Variants in CNEP1R1 observed in about 807,000 individuals in gnomAD.
The protein encoded by CNEP1R1 is nuclear envelope phosphatase-regulatory subunit 1.
CNEP1R1 carries 10 observed loss-of-function variants against 22.7 expected under a neutral mutation model. That is an observed-to-expected ratio of 0.44 (90% CI 0.27 to 0.75). The LOEUF (loss-of-function observed/expected upper bound fraction) is 0.75. Ranked by LOEUF, CNEP1R1 falls within the 30% of genes least tolerant of loss-of-function variation. The probability of loss-of-function intolerance (pLI) is 0.17; values close to 1 mark genes in which losing one functional copy is unlikely to be tolerated. For missense variants in CNEP1R1, 73 were observed against 151.5 expected (o/e 0.48, Z 2.72); for synonymous variants, 53 against 50.1 (o/e 1.06, Z -0.25).
At chr16:50,025,420 C>A in intron 1 of CNEP1R1, 80 bp downstream of exon 1, 1 of 1,355,646 alleles carries the variant, frequency 7.4e-7, no homozygotes, top group Non-Finnish European at 9.7e-7. Context: ...GTCGTGAAGA[C>A]CCCCGCCCCG....
intron 4 of CNEP1R1, 102 bp from the exon 5 acceptor site, chr16:50,034,000 C>T: frequency 3.7e-6 from 3 of 809,522 alleles, no homozygotes; most frequent in Admixed American, 2.1e-5. Flanking sequence ...ATCCGACCGC[C>T]TCGGCCTCCC....
Position 50,025,301 on chromosome 16 carries a change from G to C in CNEP1R1, c.-15G>C. On this transcript the variant is annotated 5_prime_UTR_variant, in exon 1 of 6. Coordinates refer to ENST00000427478, the MANE Select transcript of CNEP1R1 (RefSeq NM_001281789.2). ...GCGGACAGGGCAGCGGCGGTGACCC[G>C]AGCTGCCGCCCGACATGAACTCGCT... 1 of 1,428,338 alleles carries C rather than the reference G, an allele frequency of 7.0e-7. No homozygotes were observed. The highest frequency in any genetic ancestry group is 9.1e-7 in the Non-Finnish European group (1 of 1,095,770). 88.5% of individuals were successfully genotyped at this position (1,428,338 alleles called of 1,614,324 possible).
rs1398856814 is a variant in CNEP1R1 at position 50,036,175 on chromosome 16, T to A, written c.*717T>A. On this transcript the variant is annotated 3_prime_UTR_variant, in exon 6 of 6. Coordinates refer to ENST00000427478, the MANE Select transcript of CNEP1R1 (RefSeq NM_001281789.2). ...TTTTTTTTTAGACGGAGTCTCGCTC[T>A]GTTGCCAGGCTGGAGGGCAGTGGCA... is the stretch of plus-strand genomic sequence containing the variant. 1.3e-5 allele frequency: 2 copies of A among 150,690 alleles called. No individual in the cohort carries two copies. Among genetic ancestry groups the A allele is most frequent in the African/African-American group, 4.9e-5 (2 of 40,920 alleles). The allele number at this position is 150,690 out of a possible 1,614,324, so 9.3% of individuals were successfully genotyped here. A position where few individuals can be genotyped will look rare whatever the true frequency, so the allele number is the denominator to read the frequency against.
rs757882462 is a variant in CNEP1R1, at chr16:50,033,411, A to T, written c.186A>T (p.Thr62=). 5 of 1,582,928 alleles carry T rather than the reference A, an allele frequency of 3.2e-6. No homozygotes were observed. Among genetic ancestry groups the T allele is most frequent in the African/African-American group, 2.7e-5 (2 of 74,376 alleles). Residue 62 remains threonine, a synonymous_variant, in exon 4 of 6, where the codon ACA becomes ACT. Transcript: ENST00000427478. ...DPETQKVSFF[T]SLWNHPFFTI... Reference sequence around the variant, plus strand: ...TTCTTTTACAGGTGTCCTTCTTCACATCATTATGGAATCACCCATTTTTCA... The same window carrying T: ...TTCTTTTACAGGTGTCCTTCTTCACTTCATTATGGAATCACCCATTTTTCA...
rs540656018 is a variant in CNEP1R1, at chr16:50,036,893, G to T, written c.*1435G>T. 1 of 152,564 alleles carries T rather than the reference G, an allele frequency of 6.6e-6. No individual in the cohort carries two copies. Among genetic ancestry groups the T allele is most frequent in the South Asian group, 2.1e-4 (1 of 4,820 alleles). 9.5% of individuals were successfully genotyped at this position (152,564 alleles called of 1,614,324 possible). A position where few individuals can be genotyped will look rare whatever the true frequency, so the allele number is the denominator to read the frequency against. ...CAGGATAAAAAAGCTTTTTAACAAG[G>T]CTGCCATTTAACTTAAATGTGTTCA... On this transcript the variant is annotated 3_prime_UTR_variant, in exon 6 of 6. Coordinates refer to ENST00000427478, the MANE Select transcript of CNEP1R1 (RefSeq NM_001281789.2).
rs985622788 is a variant in CNEP1R1 at position 50,036,715 on chromosome 16, T to A, written c.*1257T>A. On this transcript the variant is annotated 3_prime_UTR_variant, in exon 6 of 6. Coordinates refer to ENST00000427478, the MANE Select transcript of CNEP1R1 (RefSeq NM_001281789.2). ...GTATGCATAATAGCCGCATGTACTA[T>A]AATAGCCCTTAAAATTAAACTATTG... 12 of 152,660 alleles carry A rather than the reference T, an allele frequency of 7.9e-5. No homozygotes were observed. Among genetic ancestry groups the A allele is most frequent in the Non-Finnish European group, 1.3e-4 (9 of 68,044 alleles). 9.5% of individuals were successfully genotyped at this position (152,660 alleles called of 1,614,324 possible).
At chr16:50,032,273 C>T (rs1407390818) in intron 3 of CNEP1R1, among the ~76,000 whole-genome samples, 1 of 152,226 alleles carries the variant, frequency 6.6e-6, no homozygotes, top group Non-Finnish European at 1.5e-5. Flanking sequence ...TTCTCTGTGT[C>T]TCCAGTCAAC....
intron 2 of CNEP1R1, among the ~76,000 whole-genome samples, chr16:50,027,230 C>T (rs919163571): frequency 7.2e-5 from 11 of 151,894 alleles, no homozygotes; most frequent in Non-Finnish European, 1.6e-4. Context: ...ATGGAGAGAC[C>T]CCATCGCGGT....
At chr16:50,025,660 TTGTATCCCTGA>T in intron 1 of CNEP1R1, 1 of 1,613,896 alleles carries the variant, frequency 6.2e-7, no homozygotes, top group Non-Finnish European at 8.5e-7. Flanking sequence ...GCCCCGCGAG[TTGTATCCCTGA>T]TTCCTGCGGT....
intron 1 of CNEP1R1, chr16:50,025,920 C>T (rs931000943): frequency 3.6e-5 from 20 of 548,966 alleles, no homozygotes; most frequent in African/African-American, 7.6e-5. Flanking sequence ...GGCCAGACGG[C>T]GTAGCCATTA....
At chr16:50,027,869 C>T (rs2036200001) in intron 2 of CNEP1R1, among the ~76,000 whole-genome samples, 1 of 151,950 alleles carries the variant, frequency 6.6e-6, no homozygotes, top group Admixed American at 6.6e-5. Context: ...GCTTACTTGC[C>T]CATGGAAATA....
rs1439026889 is a variant in CNEP1R1, at chr16:50,034,312, T to G, written c.336+156T>G. 6 of 590,022 alleles carry G rather than the reference T, an allele frequency of 1.0e-5. No homozygotes were observed. In the African/African-American group the frequency reaches 1.1e-4, roughly 11 times the overall value. 36.5% of individuals were successfully genotyped at this position (590,022 alleles called of 1,614,324 possible). A position where few individuals can be genotyped will look rare whatever the true frequency, so the allele number is the denominator to read the frequency against. On this transcript the variant is annotated intron_variant, in intron 5 of 5. Coordinates refer to ENST00000427478, the MANE Select transcript of CNEP1R1 (RefSeq NM_001281789.2). The stretch of plus-strand genomic sequence containing the variant: ...ATTGATTCTAAGGTACTTTTACATT[T>G]AACATCTTTGGCATTGAGATCCATC...
chr16:50,027,535 G>C (rs1320287400), intron 2 of CNEP1R1, among the ~76,000 whole-genome samples: 1 of 150,862 alleles, frequency 6.6e-6, no homozygotes, highest in Non-Finnish European at 1.5e-5. Flanking sequence ...AATTTAGCCA[G>C]GCATGGTGGC....
At chr16:50,025,775 G>A (rs1373365481) in intron 1 of CNEP1R1, 2 of 1,293,836 alleles carry the variant, frequency 1.5e-6, no homozygotes, top group Admixed American at 1.7e-5. Context: ...CACTCACTCG[G>A]AGCAGCTTAG....
At chr16:50,026,212 TCAAGTGC>T in intron 1 of CNEP1R1, 177 bp from the exon 2 acceptor site, 1 of 483,066 alleles carries the variant, frequency 2.1e-6, no homozygotes, top group Non-Finnish European at 3.7e-6. Context: ...TAATTTTTTG[TCAAGTGC>T]TTAAAAAGCT....
At chr16:50,025,370 G>A (rs1294470826) in intron 1 of CNEP1R1, 30 bp downstream of exon 1, 1 of 1,430,708 alleles carries the variant, frequency 7.0e-7, no homozygotes, top group Non-Finnish European at 9.1e-7. Context: ...CCCGTCCCCC[G>A]TCTCCCCTCG....
Position 50,036,864 on chromosome 16 carries a change from A to G in CNEP1R1, c.*1406A>G, listed in dbSNP as rs947901574. 2.0e-5 allele frequency: 3 copies of G among 152,644 alleles called. No individual in the cohort carries two copies. The highest frequency in any genetic ancestry group is 1.9e-4 in the East Asian group (1 of 5,202). 9.5% of individuals were successfully genotyped at this position (152,644 alleles called of 1,614,324 possible). A position where few individuals can be genotyped will look rare whatever the true frequency, so the allele number is the denominator to read the frequency against. ...CATTTAACATAAAGCTGAAAATTCAATAACAGGATAAAAAAGCTTTTTAAC... is the reference window on the plus strand; with the variant it reads ...CATTTAACATAAAGCTGAAAATTCAGTAACAGGATAAAAAAGCTTTTTAAC... On this transcript the variant is annotated 3_prime_UTR_variant, in exon 6 of 6. Coordinates refer to ENST00000427478, the MANE Select transcript of CNEP1R1 (RefSeq NM_001281789.2).
Position 50,025,375 on chromosome 16 carries a change from C to T in CNEP1R1, c.25+35C>T, listed in dbSNP as rs1056479912. On this transcript the variant is annotated intron_variant, in intron 1 of 5. Transcript: ENST00000427478. ...GCCGCCCGGGCCCGTCCCCCGTCTCCCCTCGGAAGCTGGCGGTGCTCCGGA... is the reference window on the plus strand; with the variant it reads ...GCCGCCCGGGCCCGTCCCCCGTCTCTCCTCGGAAGCTGGCGGTGCTCCGGA... 11 of 1,428,542 alleles carry T rather than the reference C, an allele frequency of 7.7e-6. No homozygotes were observed. In the African/African-American group the frequency reaches 1.2e-4, roughly 15 times the overall value. The allele number at this position is 1,428,542 out of a possible 1,614,324, so 88.5% of individuals were successfully genotyped here. A position where few individuals can be genotyped will look rare whatever the true frequency, so the allele number is the denominator to read the frequency against.
At chr16:50,029,551 A>G (rs2036214524) in intron 2 of CNEP1R1, among the ~76,000 whole-genome samples, 174 bp from the exon 3 acceptor site, 1 of 152,240 alleles carries the variant, frequency 6.6e-6, no homozygotes, top group African/African-American at 2.4e-5. Flanking sequence ...CACAATGTTT[A>G]AGAGAATTCC....
Sources: allele counts gnomAD v4.1 joint callset (sites outside exome capture counted in the v4.1 genomes callset), GRCh38; gene constraint gnomAD v4.1.1; transcripts MANE v1.5; gene names NCBI Gene and HGNC (gene_info 2026-07-23, HGNC 2026-07-21).